The following CSMD1 variants were observed in gnomAD, a reference collection of about 807,000 sequenced individuals.
CSMD1 encodes CUB and Sushi multiple domains 1.
CSMD1 carries 213 observed loss-of-function variants against 417.5 expected under a neutral mutation model. That is an observed-to-expected ratio of 0.51 (90% CI 0.46 to 0.57). The LOEUF is 0.57. Ranked by LOEUF, CSMD1 falls within the 20% of genes least tolerant of loss-of-function variation. CSMD1 has a pLI of 0.00. For synonymous variants in CSMD1, 2,862 were observed against 1,736.8 expected, an observed-to-expected ratio of 1.65 and a Z score of -16.11; for missense variants, 6,923 against 4,529.7, an observed-to-expected ratio of 1.53 and a Z score of -15.17.
At chr8:4,126,386 C>G (rs1450700489) in intron 3 of CSMD1, among the ~76,000 whole-genome samples, 1 of 152,174 alleles carries the variant, frequency 6.6e-6, no homozygotes, top group Non-Finnish European at 1.5e-5. Context: ...AGCATTCACA[C>G]CAGAATGGTG....
chr8:4,781,607 T>A (rs1416668497), intron 1 of CSMD1, among the ~76,000 whole-genome samples: 2 of 152,250 alleles, frequency 1.3e-5, no homozygotes, highest in Admixed American at 1.3e-4. Flanking sequence ...GTCTTTTGTC[T>A]ATTGTTGTAC....
chr8:2,963,365 T>C lies in CSMD1; in HGVS notation c.9311A>G (p.Gln3104Arg), dbSNP rs1803671608. ...AVLCPQPPPV[Q>R]NGTVEGSDFR... Reference sequence around the variant, plus strand: ...ATCACTTCCCTCCACTGTTCCATTCTGCACCGGCGGCGGCTGAGGACACAG... The same window carrying C: ...ATCACTTCCCTCCACTGTTCCATTCCGCACCGGCGGCGGCTGAGGACACAG... Residue 3104 changes from glutamine (Q) to arginine (R), a missense_variant, in exon 60 of 70, where the codon CAG becomes CGG. Transcript: ENST00000635120. 2.5e-6 allele frequency: 4 copies of C among 1,613,946 alleles called. No homozygotes were observed. Among genetic ancestry groups the C allele is most frequent in the Non-Finnish European group, 3.4e-6 (4 of 1,179,836 alleles).
chr8:4,358,725 T>C (rs1441302760), intron 3 of CSMD1, among the ~76,000 whole-genome samples: 2 of 152,192 alleles, frequency 1.3e-5, no homozygotes, highest in African/African-American at 2.4e-5. Flanking sequence ...ATCATTAAAA[T>C]ATCTCTCAAG....
chr8:2,945,607 C>T (rs1266100726), intron 68 of CSMD1, among the ~76,000 whole-genome samples: 2 of 152,144 alleles, frequency 1.3e-5, no homozygotes, highest in Non-Finnish European at 2.9e-5. Flanking sequence ...TCTAAAGAGG[C>T]ACTGCAATTT....
At chr8:4,812,276 G>A (rs915772344) in intron 1 of CSMD1, among the ~76,000 whole-genome samples, 3 of 152,136 alleles carry the variant, frequency 2.0e-5, no homozygotes, top group Non-Finnish European at 4.4e-5. Flanking sequence ...TAAGTTTGTC[G>A]GGGAGGTGGG....
At chr8:3,501,583 C>G (rs914183555) in intron 10 of CSMD1, among the ~76,000 whole-genome samples, 1 of 152,108 alleles carries the variant, frequency 6.6e-6, no homozygotes, top group African/African-American at 2.4e-5. Flanking sequence ...GAAATGACAA[C>G]TCAGAACACA....
chr8:3,503,742 T>C (rs1796703638), intron 10 of CSMD1, among the ~76,000 whole-genome samples: 1 of 152,088 alleles, frequency 6.6e-6, no homozygotes, highest in African/African-American at 2.4e-5. Flanking sequence ...CCTGGCTTAG[T>C]TTTCCCTGTC....
chr8:4,499,954 A>G (rs1461574966), intron 2 of CSMD1, among the ~76,000 whole-genome samples: 8 of 152,166 alleles, frequency 5.3e-5, no homozygotes, highest in African/African-American at 1.9e-4. Context: ...GTATGCATGG[A>G]AAGAAAAAAA....
chr8:4,212,018 T>G (rs1331692917), intron 3 of CSMD1, among the ~76,000 whole-genome samples: 2 of 152,052 alleles, frequency 1.3e-5, no homozygotes, highest in African/African-American at 4.8e-5. Context: ...CTTGCATTTG[T>G]GCAGCTGTAA....
At chr8:3,974,209 A>T (rs1362648708) in intron 5 of CSMD1, among the ~76,000 whole-genome samples, 3 of 152,118 alleles carry the variant, frequency 2.0e-5, no homozygotes, top group Non-Finnish European at 4.4e-5. Flanking sequence ...CAAAGCCAGG[A>T]AACCTTTCAT....
At chr8:3,342,647 T>C (rs1563290952) in intron 23 of CSMD1, among the ~76,000 whole-genome samples, 1 of 152,154 alleles carries the variant, frequency 6.6e-6, no homozygotes, top group Admixed American at 6.5e-5. Flanking sequence ...ATTTACATCT[T>C]TAAAAACATA....
chr8:4,060,245 C>G lies in CSMD1; in HGVS notation c.416-28146G>C, dbSNP rs559022088. Among the ~76,000 whole-genome samples, 22 of 5,142 alleles carry G rather than the reference C, an allele frequency of 4.3e-3. No individual in the cohort carries two copies. The East Asian group carries it at 0.053, about 12-fold the overall frequency. 3.4% of individuals were successfully genotyped at this position (5,142 alleles called of 152,430 possible). A position where few individuals can be genotyped will look rare whatever the true frequency, so the allele number is the denominator to read the frequency against. ...AAGGCCTTTGACAAAATTCAACAAC[C>G]CTTCATGCTAAAAACTCTCAATAAA... On this transcript the variant is annotated intron_variant, in intron 3 of 69. Coordinates refer to ENST00000635120, the MANE Select transcript of CSMD1 (RefSeq NM_033225.6).
intron 6 of CSMD1, among the ~76,000 whole-genome samples, chr8:3,719,009 G>A (rs577649491): frequency 2.6e-5 from 4 of 152,198 alleles, no homozygotes; most frequent in Non-Finnish European, 5.9e-5. Context: ...GTGAGACAAC[G>A]CGCTCAGAAA....
intron 10 of CSMD1, among the ~76,000 whole-genome samples, chr8:3,552,184 A>G (rs1480342144): frequency 6.6e-6 from 1 of 152,204 alleles, no homozygotes; most frequent in Non-Finnish European, 1.5e-5. Flanking sequence ...GCACAAACAG[A>G]GTACTGTCTG....
intron 57 of CSMD1, among the ~76,000 whole-genome samples, chr8:2,971,926 A>C (rs1219886431): frequency 6.6e-6 from 1 of 152,162 alleles, no homozygotes; most frequent in Non-Finnish European, 1.5e-5. Flanking sequence ...AGAGTAAAAA[A>C]TTATCTTGGA....
intron 26 of CSMD1, among the ~76,000 whole-genome samples, chr8:3,260,932 A>G (rs548443926): frequency 9.8e-5 from 15 of 152,338 alleles, no homozygotes; most frequent in African/African-American, 3.6e-4. Flanking sequence ...AAATATAAAG[A>G]ATGCTCAAGA....
At chr8:4,899,710 T>G (rs190728594) in intron 1 of CSMD1, among the ~76,000 whole-genome samples, 35 of 152,346 alleles carry the variant, frequency 2.3e-4, no homozygotes, top group African/African-American at 8.2e-4. Context: ...TAAAAATTTC[T>G]AATCATATCT....
chr8:3,668,113 G>A (rs529215644), intron 7 of CSMD1, among the ~76,000 whole-genome samples: 5 of 152,102 alleles, frequency 3.3e-5, no homozygotes, highest in South Asian at 2.1e-4. Flanking sequence ...GCAATGGGGA[G>A]AGAGCGTTGA....
intron 2 of CSMD1, among the ~76,000 whole-genome samples, chr8:4,485,446 T>G (rs1050949378): frequency 2.0e-5 from 3 of 152,184 alleles, no homozygotes; most frequent in African/African-American, 7.2e-5. Context: ...TTCTATGGAT[T>G]CACAAGTTCC....
Sources: allele counts gnomAD v4.1 joint callset (sites outside exome capture counted in the v4.1 genomes callset), GRCh38; gene constraint gnomAD v4.1.1; transcripts MANE v1.5; gene names NCBI Gene and HGNC (gene_info 2026-07-23, HGNC 2026-07-21).